Variants in IFNA7 observed in about 807,000 individuals in gnomAD.
IFNA7 encodes interferon alpha 7.
For synonymous variants in IFNA7, 119 were observed against 81.1 expected (o/e 1.47, Z -2.51); for missense variants, 278 against 216.3 (o/e 1.29, Z -1.79).
Position 21,202,076 on chromosome 9 carries a change from G to A in IFNA7, c.90C>T (p.His30=), listed in dbSNP as rs760529221. 8.1e-6 allele frequency: 13 copies of A among 1,613,564 alleles called. No homozygotes were observed. The highest frequency in any genetic ancestry group is 1.3e-5 in the African/African-American group (1 of 74,668). The change falls in exon 1 of 1, where the codon CAC becomes CAT. Residue 30 remains histidine, a synonymous_variant. Transcript: ENST00000239347. The part of the protein sequence containing the change: ...CSLGCDLPQT[H]SLRNRRALIL... ...TCAAGGCCCTCCTATTACGCAGGCTGTGGGTCTGAGGCAGATCACAGCCCA... is the reference window on the plus strand; with the variant it reads ...TCAAGGCCCTCCTATTACGCAGGCTATGGGTCTGAGGCAGATCACAGCCCA...
chr9:21,201,803 T>C lies in IFNA7; in HGVS notation c.363A>G (p.Ala121=), dbSNP rs755050923. 5 of 1,613,420 alleles carry C rather than the reference T, an allele frequency of 3.1e-6. No individual in the cohort carries two copies. The East Asian group carries it at 6.7e-5, about 22-fold the overall frequency. ...ELYQQLNDLE[A]CVIQEVGVEE... ...CCACCCCAACCTCCTGTATCACACA[T>C]GCTTCCAGGTCATTCAGTTGCTGGT... Residue 121 remains alanine (A), a synonymous_variant, in exon 1 of 1, where the codon GCA becomes GCG. Transcript: ENST00000239347.
chr9:21,202,135 C>G lies in IFNA7; in HGVS notation c.31G>C (p.Val11Leu), dbSNP rs182493111. Residue 11 changes from valine (V) to leucine (L), a missense_variant, in exon 1 of 1, where the codon GTG becomes CTG. Physicochemically the swap from Val to Leu is conservative, Grantham distance 32. Transcript: ENST00000239347. ...ATGGATTTGTAGCTGAGTACCAGCA[C>G]GACCATCAGTAAAGAAAAGGACCGG... MARSFSLLMV[V>L]LVLSYKSICS... The G allele has an allele frequency of 6.2e-7, 1 of 1,610,810 alleles. No individual in the cohort carries two copies. The highest frequency in any genetic ancestry group is 2.2e-5 in the East Asian group (1 of 44,824).
the IFNA7 span, chr9:21,201,827 G>T: frequency 3.1e-6 from 5 of 1,613,244 alleles, no homozygotes; most frequent in Middle Eastern, 1.7e-4. Flanking sequence ...TCAGTTGCTG[G>T]TAAAGTTCAG....
chr9:21,201,748 T>G lies in IFNA7; in HGVS notation c.418A>C (p.Ile140Leu). ...TGGAAGTATTTCCTCACAGCCAGGA[T>G]GAAGTCCTCATTCATCAGGGGAGTC... ...EETPLMNEDF[I>L]LAVRKYFQRI... Residue 140 changes from isoleucine (I) to leucine (L), a missense_variant, in exon 1 of 1, where the codon ATC becomes CTC. Ile to Leu is a conservative substitution (Grantham distance 5, BLOSUM62 2). Transcript: ENST00000239347. 6.2e-7 allele frequency: 1 copy of G among 1,613,800 alleles called. No individual in the cohort carries two copies. Among genetic ancestry groups the G allele is most frequent in the Non-Finnish European group, 8.5e-7 (1 of 1,179,984 alleles).
the IFNA7 span, chr9:21,202,000 T>A: frequency 2.7e-4 from 441 of 1,613,382 alleles, 2 homozygotes; most frequent in Non-Finnish European, 3.6e-4. Flanking sequence ...AATTCATGTC[T>A]GTCCTTCAAG....
At position 21,202,049 on chromosome 9, in the gene IFNA7, T is replaced by G; in HGVS notation, c.117A>C (p.Ile39=). The change falls in exon 1 of 1, where the codon ATA becomes ATC. Residue 39 remains isoleucine (I), a synonymous_variant. Coordinates refer to ENST00000239347, the MANE Select transcript of IFNA7 (RefSeq NM_021057.2). ...AGATTCTTCCCATTTGTGCCAGGAG[T>G]ATCAAGGCCCTCCTATTACGCAGGC... The part of the protein sequence containing the change: ...THSLRNRRAL[I]LLAQMGRISP... 6.2e-7 allele frequency: 1 copy of G among 1,613,190 alleles called. No individual in the cohort carries two copies. Among genetic ancestry groups the G allele is most frequent in the Non-Finnish European group, 8.5e-7 (1 of 1,179,882 alleles).
In IFNA7 at chr9:21,201,873, G is replaced by C. The variant is rs370897303; in HGVS notation, c.293C>G (p.Ala98Gly). The C allele has an allele frequency of 4.3e-6, 7 of 1,613,218 alleles. No homozygotes were observed. The African/African-American group carries it at 9.4e-5, about 22-fold the overall frequency. The change falls in exon 1 of 1, where the codon GCT becomes GGT. Residue 98 changes from alanine to glycine, a missense_variant. Transcript: ENST00000239347. ...FNLFSTEDSSAAWEQSLLEKF... is the reference protein window; with the variant it reads ...FNLFSTEDSSGAWEQSLLEKF... ...TTCTAGGAGGCTCTGTTCCCAAGCAGCAGATGAGTCCTCTGTGCTGAAGAG... is the reference window on the plus strand; with the variant it reads ...TTCTAGGAGGCTCTGTTCCCAAGCACCAGATGAGTCCTCTGTGCTGAAGAG...
chr9:21,201,875 AGAT>A lies in IFNA7; in HGVS notation c.288_290del (p.Ser97del). 1 of 1,613,412 alleles carries A rather than the reference AGAT, an allele frequency of 6.2e-7. No homozygotes were observed. The highest frequency in any genetic ancestry group is 8.5e-7 in the Non-Finnish European group (1 of 1,179,872). On this transcript the variant is annotated inframe_deletion, in exon 1 of 1. Transcript: ENST00000239347. ...CTAGGAGGCTCTGTTCCCAAGCAGC[AGAT>A]GAGTCCTCTGTGCTGAAGAGATTGA... is the stretch of plus-strand genomic sequence containing the variant.
chr9:21,202,135 C>T lies in IFNA7; in HGVS notation c.31G>A (p.Val11Met), dbSNP rs182493111. Reference sequence around the variant, plus strand: ...ATGGATTTGTAGCTGAGTACCAGCACGACCATCAGTAAAGAAAAGGACCGG... The same window carrying T: ...ATGGATTTGTAGCTGAGTACCAGCATGACCATCAGTAAAGAAAAGGACCGG... MARSFSLLMVVLVLSYKSICS... is the reference protein window; with the variant it reads MARSFSLLMVMLVLSYKSICS... Residue 11 changes from valine (V) to methionine (M), a missense_variant, in exon 1 of 1, where the codon GTG becomes ATG. Val to Met is a conservative substitution (Grantham distance 21, BLOSUM62 1). Transcript: ENST00000239347. 5.6e-5 allele frequency: 91 copies of T among 1,610,810 alleles called. No individual in the cohort carries two copies. Among genetic ancestry groups the T allele is most frequent in the Middle Eastern group, 1.7e-4 (1 of 6,038 alleles).
rs1319654605 is a variant in IFNA7, at chr9:21,202,014, G to T, written c.152C>A (p.Ser51Tyr). The change falls in exon 1 of 1, where the codon TCC (serine) becomes TAC (tyrosine). Residue 51 changes from serine (S) to tyrosine (Y), a missense_variant. Coordinates refer to ENST00000239347, the MANE Select transcript of IFNA7 (RefSeq NM_021057.2). Reference sequence around the variant, plus strand: ...GAATTCATGTCTGTCCTTCAAGCAGGAGAAAGGAGAGATTCTTCCCATTTG... The same window carrying T: ...GAATTCATGTCTGTCCTTCAAGCAGTAGAAAGGAGAGATTCTTCCCATTTG... ...LAQMGRISPF[S>Y]CLKDRHEFRF... The T allele has an allele frequency of 1.2e-6, 2 of 1,613,284 alleles. No individual in the cohort carries two copies. Among genetic ancestry groups the T allele is most frequent in the African/African-American group, 1.3e-5 (1 of 74,540 alleles).
At position 21,202,114 on chromosome 9, in the gene IFNA7, A is replaced by G; in HGVS notation, c.52T>C (p.Ser18Pro). The change falls in exon 1 of 1, where the codon TCC (serine) becomes CCC (proline). Residue 18 changes from serine (S) to proline (P), a missense_variant. By Grantham distance (74) the Ser-to-Pro change is moderately conservative. Coordinates refer to ENST00000239347, the MANE Select transcript of IFNA7 (RefSeq NM_021057.2). ...AGATCACAGCCCAGAGAGCAGATGGATTTGTAGCTGAGTACCAGCACGACC... is the reference window on the plus strand; with the variant it reads ...AGATCACAGCCCAGAGAGCAGATGGGTTTGTAGCTGAGTACCAGCACGACC... ...LMVVLVLSYK[S>P]ICSLGCDLPQ... The G allele has an allele frequency of 6.2e-7, 1 of 1,613,384 alleles. No individual in the cohort carries two copies. Among genetic ancestry groups the G allele is most frequent in the Non-Finnish European group, 8.5e-7 (1 of 1,179,838 alleles).
chr9:21,202,033 C>A, the IFNA7 span: 6 of 1,613,308 alleles, frequency 3.7e-6, no homozygotes, highest in Middle Eastern at 1.7e-4. Context: ...GAGATTCTTC[C>A]CATTTGTGCC....
In IFNA7 at chr9:21,201,569, A is replaced by C. The variant is rs1195259170; in HGVS notation, c.*27T>G. The C allele has an allele frequency of 1.9e-6, 3 of 1,607,972 alleles. No homozygotes were observed. Among genetic ancestry groups the C allele is most frequent in the Non-Finnish European group, 2.5e-6 (3 of 1,178,692 alleles). On this transcript the variant is annotated 3_prime_UTR_variant, in exon 1 of 1. Transcript: ENST00000239347. ...GTGTGAGATGATGCATTAGTCAATG[A>C]GAATCATTTCCATGATGAACCAGTT... is the stretch of plus-strand genomic sequence containing the variant.
chr9:21,201,746 G>A lies in IFNA7; in HGVS notation c.420C>T (p.Ile140=). 2 of 1,613,720 alleles carry A rather than the reference G, an allele frequency of 1.2e-6. No homozygotes were observed. The highest frequency in any genetic ancestry group is 1.7e-6 in the Non-Finnish European group (2 of 1,179,982). ...EETPLMNEDF[I]LAVRKYFQRI... is the part of the protein sequence containing the mutation. ...TTTGGAAGTATTTCCTCACAGCCAG[G>A]ATGAAGTCCTCATTCATCAGGGGAG... The change falls in exon 1 of 1, where the codon ATC becomes ATT. Residue 140 remains isoleucine, a synonymous_variant. Transcript: ENST00000239347.
the IFNA7 span, chr9:21,202,039 G>A: frequency 4.3e-6 from 7 of 1,613,364 alleles, no homozygotes; most frequent in East Asian, 4.5e-5. Context: ...CTTCCCATTT[G>A]TGCCAGGAGT....
At position 21,201,841 on chromosome 9, in the gene IFNA7, A is replaced by C; in HGVS notation, c.325T>G (p.Ser109Ala). The change falls in exon 1 of 1, where the codon TCC (serine) becomes GCC (alanine). Residue 109 changes from serine (S) to alanine (A), a missense_variant. By Grantham distance (99) the Ser-to-Ala change is moderately conservative (BLOSUM62 1). Transcript: ENST00000239347. ...TTCAGTTGCTGGTAAAGTTCAGTGG[A>C]AAATTTTTCTAGGAGGCTCTGTTCC... The part of the protein sequence containing the change: ...AWEQSLLEKF[S>A]TELYQQLNDL... 6.2e-7 allele frequency: 1 copy of C among 1,613,322 alleles called. No homozygotes were observed. The highest frequency in any genetic ancestry group is 8.5e-7 in the Non-Finnish European group (1 of 1,179,836).
chr9:21,202,050 A>G lies in IFNA7; in HGVS notation c.116T>C (p.Ile39Thr), dbSNP rs1369186490. ...THSLRNRRAL[I>T]LLAQMGRISP... is the part of the protein sequence containing the mutation. ...GATTCTTCCCATTTGTGCCAGGAGTATCAAGGCCCTCCTATTACGCAGGCT... is the reference window on the plus strand; with the variant it reads ...GATTCTTCCCATTTGTGCCAGGAGTGTCAAGGCCCTCCTATTACGCAGGCT... The change falls in exon 1 of 1, where the codon ATA becomes ACA. Residue 39 changes from isoleucine (I) to threonine (T), a missense_variant. Physicochemically the swap from Ile to Thr is moderately conservative, Grantham distance 89 (BLOSUM62 -1). Transcript: ENST00000239347. The G allele has an allele frequency of 6.2e-6, 10 of 1,613,482 alleles. No individual in the cohort carries two copies. In the Admixed American group the frequency reaches 6.7e-5, roughly 11 times the overall value.
rs1167012935 is a variant in IFNA7 at position 21,201,632 on chromosome 9, T to C, written c.534A>G (p.Ser178=). 5 of 1,613,544 alleles carry C rather than the reference T, an allele frequency of 3.1e-6. No individual in the cohort carries two copies. The highest frequency in any genetic ancestry group is 4.2e-6 in the Non-Finnish European group (5 of 1,179,964). ...TCCTTAATCCTTTTTTCAAGTTTGT[T>C]GAAAAAGAGAAGGATCTCATGATTT... The part of the protein sequence containing the change: ...RAEIMRSFSF[S]TNLKKGLRRK... Residue 178 remains serine (S), a synonymous_variant, in exon 1 of 1, where the codon TCA becomes TCG. Transcript: ENST00000239347.
rs1818170250 is a variant in IFNA7 at position 21,202,155 on chromosome 9, G to C, written c.11C>G (p.Ser4Cys). 1 of 1,600,852 alleles carries C rather than the reference G, an allele frequency of 6.2e-7. No homozygotes were observed. The highest frequency in any genetic ancestry group is 1.4e-5 in the African/African-American group (1 of 74,000). ...CAGCACGACCATCAGTAAAGAAAAG[G>C]ACCGGGCCATTGGGATTTTGCAAAT... MAR[S>C]FSLLMVVLVL... Residue 4 changes from serine (S) to cysteine (C), a missense_variant, in exon 1 of 1, where the codon TCC (serine) becomes TGC (cysteine). Coordinates refer to ENST00000239347, the MANE Select transcript of IFNA7 (RefSeq NM_021057.2).
Sources: gnomAD v4.1 joint callset for allele counts on GRCh38, gnomAD v4.1.1 for gene constraint, MANE v1.5 for transcripts, NCBI Gene and HGNC (gene_info 2026-07-23, HGNC 2026-07-21) for gene names.